The following DDX60L variants were observed in gnomAD, a reference collection of about 807,000 sequenced individuals.
DDX60L encodes the protein probable ATP-dependent RNA helicase DDX60-like.
Under a neutral mutation model 211.6 loss-of-function variants are expected in DDX60L, and 191 were observed. That is an observed-to-expected ratio of 0.90 (90% CI 0.80 to 1.02). The LOEUF (loss-of-function observed/expected upper bound fraction) is 1.02. Ranked by LOEUF, DDX60L falls within the 50% of genes least tolerant of loss-of-function variation. The pLI is 0.00. For missense variants in DDX60L, 2,007 were observed against 1,984.1 expected, an observed-to-expected ratio of 1.01 and a Z score of -0.22; for synonymous variants, 706 against 694.1, an observed-to-expected ratio of 1.02 and a Z score of -0.27.
At chr4:168,466,486 T>A (rs964780775) in intron 4 of DDX60L, among the ~76,000 whole-genome samples, 1 of 152,238 alleles carries the variant, frequency 6.6e-6, no homozygotes, top group Non-Finnish European at 1.5e-5. Flanking sequence ...TATCAGGTTA[T>A]AGAATCAGAG....
At chr4:168,365,397 A>G (rs892434146) in intron 36 of DDX60L, among the ~76,000 whole-genome samples, 1 of 152,100 alleles carries the variant, frequency 6.6e-6, no homozygotes, top group Non-Finnish European at 1.5e-5. Flanking sequence ...ACAACTATAC[A>G]CTAACACATT....
chr4:168,451,276 C>G (rs2150054586), intron 8 of DDX60L, among the ~76,000 whole-genome samples: 2 of 152,252 alleles, frequency 1.3e-5, no homozygotes, highest in South Asian at 4.1e-4. Flanking sequence ...AATTTTTATT[C>G]CCAGTCTAAA....
intron 10 of DDX60L, among the ~76,000 whole-genome samples, chr4:168,440,920 C>A (rs541605320): frequency 6.6e-6 from 1 of 151,824 alleles, no homozygotes; most frequent in South Asian, 2.1e-4. Context: ...GACATTATAC[C>A]GAGAGGAAAA....
chr4:168,390,113 A>G, intron 29 of DDX60L: 1 of 983,344 alleles, frequency 1.0e-6, no homozygotes, highest in Non-Finnish European at 1.2e-6. Flanking sequence ...CAGAGAAAGT[A>G]TATTTTATTC....
At chr4:168,440,644 C>T (rs562514880) in intron 10 of DDX60L, among the ~76,000 whole-genome samples, 7 of 152,276 alleles carry the variant, frequency 4.6e-5, no homozygotes, top group Admixed American at 6.5e-5. Context: ...CTTCAGACCA[C>T]GACTCATTGC....
intron 36 of DDX60L, among the ~76,000 whole-genome samples, chr4:168,368,045 T>C (rs1167959838): frequency 6.6e-6 from 1 of 152,234 alleles, no homozygotes; most frequent in Non-Finnish European, 1.5e-5. Context: ...TTCCATTTTC[T>C]GAGGAGAAAT....
rs150047620 is a variant in DDX60L, at chr4:168,460,868, A to G, written c.606+831T>C. Among the ~76,000 whole-genome samples, 457 of 152,320 alleles carry G rather than the reference A, an allele frequency of 3.0e-3. 2 individuals are homozygous for G. The highest frequency in any genetic ancestry group is 0.014 in the Middle Eastern group (4 of 294). Reference sequence around the variant, plus strand: ...CCCTCCTCACGTTTGGTAATTTGCTAGCATAGTTCACCAGAACTCAGGAAA... The same window carrying G: ...CCCTCCTCACGTTTGGTAATTTGCTGGCATAGTTCACCAGAACTCAGGAAA... On this transcript the variant is annotated intron_variant, in intron 5 of 37. Transcript: ENST00000682922.
chr4:168,426,540 C>T (rs1751475643), intron 14 of DDX60L, among the ~76,000 whole-genome samples: 1 of 152,194 alleles, frequency 6.6e-6, no homozygotes, highest in African/African-American at 2.4e-5. Flanking sequence ...AGTAAACAAA[C>T]TTGGCCTTTG....
At position 168,406,627 on chromosome 4, in the gene DDX60L, A is replaced by G; in HGVS notation, c.3059T>C (p.Val1020Ala). The G allele has an allele frequency of 6.2e-7, 1 of 1,602,428 alleles. No homozygotes were observed. The highest frequency in any genetic ancestry group is 8.5e-7 in the Non-Finnish European group (1 of 1,173,836). ...SIQLYDTMAQ[V>A]WETWPRAQEL... ...CTGAGCCCTGGGCCAAGTTTCCCAG[A>G]CTTGAGCCATGGTATCATAAAGCTG... Residue 1020 changes from valine (V) to alanine (A), a missense_variant, in exon 23 of 38, where the codon GTC becomes GCC. Transcript: ENST00000682922.
At chr4:168,402,280 A>C (rs776658258) in intron 25 of DDX60L, among the ~76,000 whole-genome samples, 1 of 152,096 alleles carries the variant, frequency 6.6e-6, no homozygotes, top group Admixed American at 6.5e-5. Flanking sequence ...AATATGCAAC[A>C]CCCACATACT....
intron 4 of DDX60L, among the ~76,000 whole-genome samples, chr4:168,462,755 G>A (rs1046510892): frequency 5.3e-5 from 8 of 152,148 alleles, no homozygotes; most frequent in Non-Finnish European, 1.2e-4. Context: ...GGAGGTTGCA[G>A]TGAGCCGAGA....
chr4:168,442,127 C>T lies in DDX60L; in HGVS notation c.1139-635G>A, dbSNP rs924165948. Among the ~76,000 whole-genome samples, 7 of 151,976 alleles carry T rather than the reference C, an allele frequency of 4.6e-5. 1 individual carries two copies. The South Asian group carries it at 6.2e-4, about 14-fold the overall frequency. On this transcript the variant is annotated intron_variant, in intron 9 of 37. Coordinates refer to ENST00000682922, the MANE Select transcript of DDX60L (RefSeq NM_001012967.3). Reference sequence around the variant, plus strand: ...TCACTAGGGAGTGCCAGACAGTGGGCACAGGTCAGTGGGTGCGCGCACCGT... The same window carrying T: ...TCACTAGGGAGTGCCAGACAGTGGGTACAGGTCAGTGGGTGCGCGCACCGT...
At chr4:168,470,637 C>T (rs1758630647) in intron 4 of DDX60L, 1 of 153,034 alleles carries the variant, frequency 6.5e-6, no homozygotes, top group Non-Finnish European at 1.5e-5. Flanking sequence ...GTCAGGTGTT[C>T]GACACCAGCC....
Position 168,379,827 on chromosome 4 carries a change from A to G in DDX60L, c.4120T>C (p.Leu1374=). 1.2e-6 allele frequency: 2 copies of G among 1,602,176 alleles called. No individual in the cohort carries two copies. Among genetic ancestry groups the G allele is most frequent in the Admixed American group, 1.7e-5 (1 of 58,038 alleles). The change falls in exon 31 of 38, where the codon TTG becomes CTG. Residue 1374 remains leucine, a synonymous_variant. Coordinates refer to ENST00000682922, the MANE Select transcript of DDX60L (RefSeq NM_001012967.3). ...AGCAATGAATGCTTTAGCACTGACA[A>G]CACCTATAAAAGAAGAGTACTTTAA... is the stretch of plus-strand genomic sequence containing the variant. The part of the protein sequence containing the change: ...DDPEDAKAKV[L]SVLKHSLLSF...
At chr4:168,377,207 G>T (rs1425253691) in intron 33 of DDX60L, among the ~76,000 whole-genome samples, 1 of 152,082 alleles carries the variant, frequency 6.6e-6, no homozygotes, top group East Asian at 1.9e-4. Context: ...CAGGAGAATG[G>T]CTTGAACCTG....
Position 168,467,895 on chromosome 4 carries a change from G to A in DDX60L, c.264+3852C>T, listed in dbSNP as rs567592925. On this transcript the variant is annotated intron_variant, in intron 4 of 37. Transcript: ENST00000682922. ...ATAAAAAATAAAATTGGCCTGGCACGGTGGCTCATGCCTGTAATCTCAGCA... is the reference window on the plus strand; with the variant it reads ...ATAAAAAATAAAATTGGCCTGGCACAGTGGCTCATGCCTGTAATCTCAGCA... Among the ~76,000 whole-genome samples, 240 of 152,248 alleles carry A rather than the reference G, an allele frequency of 1.6e-3. 2 individuals carry two copies. Among genetic ancestry groups the A allele is most frequent in the African/African-American group, 5.2e-3 (214 of 41,548 alleles).
chr4:168,370,353 T>C (rs1740789628), intron 36 of DDX60L, among the ~76,000 whole-genome samples: 2 of 152,058 alleles, frequency 1.3e-5, no homozygotes. Context: ...ATCACTCACA[T>C]GTAAAGTTTA....
intron 4 of DDX60L, chr4:168,469,882 T>A (rs879262677): frequency 1.3e-5 from 2 of 152,010 alleles, no homozygotes; most frequent in African/African-American, 4.8e-5. Flanking sequence ...TGTCTCAAAA[T>A]GAAGTGACAA....
intron 24 of DDX60L, among the ~76,000 whole-genome samples, chr4:168,405,310 C>G (rs1747552858): frequency 6.6e-6 from 1 of 152,034 alleles, no homozygotes; most frequent in African/African-American, 2.4e-5. Context: ...TCCCGGCCAA[C>G]CCATACCATT....
Sources: allele counts gnomAD v4.1 joint callset (sites outside exome capture counted in the v4.1 genomes callset), GRCh38; gene constraint gnomAD v4.1.1; transcripts MANE v1.5; gene names NCBI Gene and HGNC (gene_info 2026-07-23, HGNC 2026-07-21).